AARS1: variants seen among roughly 807,000 people sequenced by gnomAD.
The protein encoded by AARS1 is alanyl-tRNA synthetase 1, also known as alanine--tRNA ligase, cytoplasmic.
Under a neutral mutation model 108.9 loss-of-function variants are expected in AARS1, and 72 were observed. The ratio of observed to expected loss-of-function variants is 0.66; its 90% confidence interval spans 0.55 to 0.80. The LOEUF (loss-of-function observed/expected upper bound fraction) is 0.80, where lower values mean the gene tolerates loss of function less well. AARS1 is among the 30% of genes least tolerant of loss of function. AARS1 has a pLI of 0.00. For synonymous variants in AARS1, 489 were observed against 465.7 expected (o/e 1.05, Z -0.64); for missense variants, 1,193 against 1,233.2 (o/e 0.97, Z 0.49).
intron 4 of AARS1, among the ~76,000 whole-genome samples, chr16:70,274,446 C>T (rs1960488017): frequency 6.6e-6 from 1 of 151,938 alleles, no homozygotes; most frequent in Non-Finnish European, 1.5e-5. Context: ...ACAGACATGG[C>T]TGGGCACGGT....
chr16:70,273,020 G>A (rs530521767), intron 4 of AARS1, among the ~76,000 whole-genome samples: 12 of 151,962 alleles, frequency 7.9e-5, no homozygotes, highest in East Asian at 5.8e-4. Context: ...AAAAACCAGC[G>A]TCAAGATTAA....
At chr16:70,258,685 C>A (rs897019115) in intron 14 of AARS1, among the ~76,000 whole-genome samples, 4 of 152,198 alleles carry the variant, frequency 2.6e-5, no homozygotes, top group African/African-American at 7.2e-5. Flanking sequence ...CCTGCCTCAG[C>A]CTCCTGAGTA....
intron 2 of AARS1, among the ~76,000 whole-genome samples, chr16:70,279,485 C>T (rs1960639117): frequency 6.6e-6 from 1 of 150,878 alleles, no homozygotes; most frequent in African/African-American, 2.4e-5. Context: ...CGTGGCGAAA[C>T]CCTGTCTCTA....
chr16:70,286,186 T>C (rs1251460798), intron 1 of AARS1, among the ~76,000 whole-genome samples: 1 of 152,160 alleles, frequency 6.6e-6, no homozygotes, highest in Non-Finnish European at 1.5e-5. Context: ...AATTTATATT[T>C]ATTCGATATA....
intron 13 of AARS1, among the ~76,000 whole-genome samples, chr16:70,260,722 G>C (rs185500642): frequency 6.6e-6 from 1 of 152,146 alleles, no homozygotes; most frequent in East Asian, 1.9e-4. Context: ...GTGTGCAGTG[G>C]CGGGATCTTG....
intron 19 of AARS1, 144 bp downstream of exon 19, chr16:70,253,570 A>G (rs937164909): frequency 3.6e-6 from 4 of 1,105,264 alleles, no homozygotes; most frequent in Middle Eastern, 2.8e-4. Context: ...TGCCTCCCAC[A>G]TGCAGGGAGC....
intron 11 of AARS1, among the ~76,000 whole-genome samples, chr16:70,264,542 C>G (rs557813890): frequency 1.8e-4 from 27 of 152,072 alleles, no homozygotes; most frequent in African/African-American, 5.8e-4. Context: ...GTCTCAAACT[C>G]CTGACCTTAG....
At chr16:70,285,976 C>T (rs756401223) in intron 1 of AARS1, among the ~76,000 whole-genome samples, 14 of 152,156 alleles carry the variant, frequency 9.2e-5, no homozygotes, top group East Asian at 1.9e-4. Context: ...ACTAATTCAC[C>T]ATAATGAATG....
intron 1 of AARS1, among the ~76,000 whole-genome samples, chr16:70,286,437 C>T (rs952770286): frequency 6.8e-6 from 1 of 147,628 alleles, no homozygotes; most frequent in Admixed American, 6.9e-5. Context: ...GGCAATGGTG[C>T]AATCACTTGG....
intron 2 of AARS1, among the ~76,000 whole-genome samples, chr16:70,281,050 G>A (rs543620070): frequency 3.9e-5 from 6 of 152,214 alleles, no homozygotes; most frequent in South Asian, 2.1e-4. Context: ...GGCTGGTCTC[G>A]AACTTCTGGA....
chr16:70,277,609 G>A (rs1345646042), intron 2 of AARS1, among the ~76,000 whole-genome samples: 4 of 152,162 alleles, frequency 2.6e-5, no homozygotes, highest in African/African-American at 7.2e-5. Context: ...ATGAATGATT[G>A]GATGTATCAG....
At chr16:70,254,445 G>A (rs1959927600) in intron 17 of AARS1, 176 bp downstream of exon 17, 1 of 648,308 alleles carries the variant, frequency 1.5e-6, no homozygotes, top group Admixed American at 2.2e-5. Context: ...GGAATGTCCA[G>A]GGTCCAAGGA....
rs530814934 is a variant in AARS1 at position 70,265,807 on chromosome 16, G to T, written c.1223-145C>A. The T allele has an allele frequency of 3.2e-6, 3 of 928,306 alleles. No individual in the cohort carries two copies. In the African/African-American group the frequency reaches 5.0e-5, roughly 15 times the overall value. 57.5% of individuals were successfully genotyped at this position (928,306 alleles called of 1,614,324 possible). On this transcript the variant is annotated intron_variant, in intron 9 of 20. Transcript: ENST00000261772. ...CCCTGTGTGCCCATCAGAAAATCCAGCACATCTTTTTCAGTTAACCTGGGG... is the reference window on the plus strand; with the variant it reads ...CCCTGTGTGCCCATCAGAAAATCCATCACATCTTTTTCAGTTAACCTGGGG...
At chr16:70,254,083 G>A (rs375886345) in intron 17 of AARS1, 45 bp from the exon 18 acceptor site, 69 of 1,610,816 alleles carry the variant, frequency 4.3e-5, no homozygotes, top group Non-Finnish European at 5.8e-5. Flanking sequence ...ACAACTTGCT[G>A]GGATGTCAGG....
intron 4 of AARS1, 53 bp from the exon 5 acceptor site, chr16:70,272,025 C>T (rs1040224389): frequency 3.2e-6 from 5 of 1,565,982 alleles, no homozygotes; most frequent in Non-Finnish European, 3.5e-6. Flanking sequence ...AGAGTTCTGC[C>T]CAGACTTGCA....
At position 70,282,331 on chromosome 16, in the gene AARS1, G is replaced by GAAA. The variant is rs57976512; in HGVS notation, c.144+286_144+288dup. 2.6e-3 allele frequency among the ~76,000 whole-genome samples: 288 copies of GAAA among 110,242 alleles called. 5 individuals carry two copies. Among genetic ancestry groups the GAAA allele is most frequent in the African/African-American group, 9.4e-3 (261 of 27,658 alleles). 72.3% of individuals were successfully genotyped at this position (110,242 alleles called of 152,430 possible). The stretch of plus-strand genomic sequence containing the variant: ...ATGACAGAGCGAGACTCCGTCTCAG[G>GAAA]AAAAAAAAAAAAAAAAAAAAGCTAA... On this transcript the variant is annotated intron_variant, in intron 2 of 20. Coordinates refer to ENST00000261772, the MANE Select transcript of AARS1 (RefSeq NM_001605.3).
At chr16:70,273,466 C>G (rs942295848) in intron 4 of AARS1, among the ~76,000 whole-genome samples, 1 of 152,010 alleles carries the variant, frequency 6.6e-6, no homozygotes, top group African/African-American at 2.4e-5. Context: ...ATCTGTAATC[C>G]CAGCAATTTG....
At chr16:70,286,943 C>A (rs1960859660) in intron 1 of AARS1, among the ~76,000 whole-genome samples, 1 of 151,434 alleles carries the variant, frequency 6.6e-6, no homozygotes, top group African/African-American at 2.4e-5. Context: ...TGGTGAAACC[C>A]CATCTCTACT....
Position 70,269,704 on chromosome 16 carries a change from GTCAATCCCATCGGCATCC to G in AARS1, c.858_875del (p.Glu286_Ile291del). 6.2e-7 allele frequency: 1 copy of G among 1,614,166 alleles called. No homozygotes were observed. The highest frequency in any genetic ancestry group is 1.7e-5 in the Admixed American group (1 of 59,996). On this transcript the variant is annotated inframe_deletion, in exon 7 of 21. Coordinates refer to ENST00000261772, the MANE Select transcript of AARS1 (RefSeq NM_001605.3). The stretch of plus-strand genomic sequence containing the variant: ...GGTCAGCCAGCACCCGGTAGGCCAT[GTCAATCCCATCGGCATCC>G]TCAGCACCAACTTTCCCAGTGTATG...
Sources: gnomAD v4.1 joint callset for allele counts (sites outside exome capture counted in the v4.1 genomes callset) on GRCh38, gnomAD v4.1.1 for gene constraint, MANE v1.5 for transcripts, NCBI Gene and HGNC (gene_info 2026-07-23, HGNC 2026-07-21) for gene names.